The following PRMT9 variants were observed in gnomAD, a reference collection of about 807,000 sequenced individuals.
PRMT9 encodes the protein protein arginine methyltransferase 9.
In PRMT9, 59 loss-of-function variants were observed where a neutral mutation model predicts 83.2. That is an observed-to-expected ratio of 0.71 (90% CI 0.57 to 0.88). The LOEUF is 0.88. Ranked by LOEUF, PRMT9 falls within the 40% of genes least tolerant of loss-of-function variation. PRMT9 has a pLI of 0.00. For missense variants in PRMT9, 947 were observed against 1,021.9 expected, an observed-to-expected ratio of 0.93 and a Z score of 1.00; for synonymous variants, 333 against 353.2, an observed-to-expected ratio of 0.94 and a Z score of 0.64.
At chr4:147,663,300 G>A (rs767997335) in intron 6 of PRMT9, among the ~76,000 whole-genome samples, 7 of 152,050 alleles carry the variant, frequency 4.6e-5, no homozygotes, top group East Asian at 1.9e-4. Context: ...GAACCACCGC[G>A]CCCAGCCTAC....
rs527266557 is a variant in PRMT9 at position 147,652,691 on chromosome 4, A to G, written c.2045+1161T>C. ...TCCCCACCCCATCCCACCAGACCCC[A>G]TTCTACCCTACCCCGTGTCTAAAAA... On this transcript the variant is annotated intron_variant, in intron 9 of 11. Transcript: ENST00000322396. Among the ~76,000 whole-genome samples the G allele has an allele frequency of 1.1e-4, 12 of 111,028 alleles. No individual in the cohort carries two copies. The East Asian group carries it at 3.1e-3, about 28-fold the overall frequency. 72.8% of individuals were successfully genotyped at this position (111,028 alleles called of 152,430 possible).
In PRMT9 at chr4:147,638,239, A is replaced by G; in HGVS notation, c.*293T>C. 5.5e-6 allele frequency: 2 copies of G among 360,774 alleles called. No homozygotes were observed. Among genetic ancestry groups the G allele is most frequent in the South Asian group, 2.9e-5 (1 of 33,946 alleles). 22.3% of individuals were successfully genotyped at this position (360,774 alleles called of 1,614,324 possible). ...AAAAGTAAAGTTTTGCTTTACTTAC[A>G]CATGTCAATAACGATAAGACTTTTA... On this transcript the variant is annotated 3_prime_UTR_variant, in exon 12 of 12. Transcript: ENST00000322396.
At position 147,673,629 on chromosome 4, in the gene PRMT9, A is replaced by C; in HGVS notation, c.575+9T>G. 2 of 1,525,158 alleles carry C rather than the reference A, an allele frequency of 1.3e-6. No homozygotes were observed. The highest frequency in any genetic ancestry group is 1.8e-6 in the Non-Finnish European group (2 of 1,098,856). The allele number at this position is 1,525,158 out of a possible 1,614,324, so 94.5% of individuals were successfully genotyped here. ...ATGTATATACCATTAAAATGCAATTACTACCAACCTTAGTATTCCAGTTCC... is the reference window on the plus strand; with the variant it reads ...ATGTATATACCATTAAAATGCAATTCCTACCAACCTTAGTATTCCAGTTCC... On this transcript the variant is annotated intron_variant, in intron 3 of 11. Transcript: ENST00000322396.
intron 5 of PRMT9, among the ~76,000 whole-genome samples, chr4:147,669,209 C>G (rs554581152): frequency 2.0e-5 from 3 of 149,500 alleles, no homozygotes; most frequent in Admixed American, 1.4e-4. Flanking sequence ...GGCAACATAG[C>G]AAGACCCTGT....
intron 2 of PRMT9, among the ~76,000 whole-genome samples, chr4:147,678,893 T>C (rs543519354): frequency 5.3e-5 from 8 of 152,334 alleles, no homozygotes; most frequent in Admixed American, 2.6e-4. Flanking sequence ...CATACACATT[T>C]ACCCTTTGCA....
chr4:147,676,378 G>A (rs1736074616), intron 2 of PRMT9, among the ~76,000 whole-genome samples: 1 of 152,062 alleles, frequency 6.6e-6, no homozygotes, highest in Admixed American at 6.6e-5. Flanking sequence ...GAAAACTTTG[G>A]AATTAAAATA....
At position 147,654,322 on chromosome 4, in the gene PRMT9, A is replaced by C. The variant is rs774566430; in HGVS notation, c.1575T>G (p.Ile525Met). ...GATATGGGATGTTGTTAAGCAAAGC[A>C]ATTTCTGTAGATTCCAATATACATG... ...EQTCILESTE[I>M]ALLNNIPYHE... Residue 525 changes from isoleucine to methionine, a missense_variant, in exon 9 of 12, where the codon ATT (isoleucine) becomes ATG (methionine). Coordinates refer to ENST00000322396, the MANE Select transcript of PRMT9 (RefSeq NM_138364.4). 2 of 1,614,180 alleles carry C rather than the reference A, an allele frequency of 1.2e-6. No homozygotes were observed. Among genetic ancestry groups the C allele is most frequent in the Non-Finnish European group, 1.7e-6 (2 of 1,180,020 alleles).
intron 6 of PRMT9, among the ~76,000 whole-genome samples, chr4:147,667,736 A>C (rs1735435865): frequency 6.7e-6 from 1 of 148,872 alleles, no homozygotes; most frequent in African/African-American, 2.6e-5. Context: ...GAAGCTTAGA[A>C]AGATCCTAAA....
Position 147,659,579 on chromosome 4 carries a change from C to CTTTTT in PRMT9, c.1146+1262_1146+1266dup, listed in dbSNP as rs33942571. On this transcript the variant is annotated intron_variant, in intron 7 of 11. Transcript: ENST00000322396. ...CCAATTTCTTTGGGCACTTTCTTTT[C>CTTTTT]TTTTTTTTTTTTTTCTGAGACGGAG... Among the ~76,000 whole-genome samples the CTTTTT allele has an allele frequency of 2.9e-3, 354 of 121,596 alleles. 23 individuals carry two copies. Among genetic ancestry groups the CTTTTT allele is most frequent in the Non-Finnish European group, 3.8e-3 (231 of 60,914 alleles). 79.8% of individuals were successfully genotyped at this position (121,596 alleles called of 152,430 possible).
At chr4:147,677,912 G>A (rs960845738) in intron 2 of PRMT9, among the ~76,000 whole-genome samples, 24 of 151,896 alleles carry the variant, frequency 1.6e-4, no homozygotes, top group African/African-American at 5.6e-4. Flanking sequence ...ATTATCACAG[G>A]GGAGTACATT....
At chr4:147,658,010 T>A (rs1314436614) in intron 7 of PRMT9, 35 bp from the exon 8 acceptor site, 4 of 1,328,906 alleles carry the variant, frequency 3.0e-6, no homozygotes, top group Non-Finnish European at 4.3e-6. Flanking sequence ...AACGGTTTTA[T>A]ATATTTCATA....
chr4:147,660,941 G>A lies in PRMT9; in HGVS notation c.1051C>T (p.Pro351Ser). ...SSVDTEETIE[P>S]YTTEKMSRVP... The stretch of plus-strand genomic sequence containing the variant: ...CGACTCATCTTTTCAGTTGTATAAG[G>A]TTCAATTGTTTCTTCAGTATCTACA... The change falls in exon 7 of 12, where the codon CCT (proline) becomes TCT (serine). Residue 351 changes from proline (P) to serine (S), a missense_variant. Pro to Ser is a moderately conservative substitution (Grantham distance 74). Coordinates refer to ENST00000322396, the MANE Select transcript of PRMT9 (RefSeq NM_138364.4). 6.2e-7 allele frequency: 1 copy of A among 1,612,552 alleles called. No homozygotes were observed. The highest frequency in any genetic ancestry group is 8.5e-7 in the Non-Finnish European group (1 of 1,178,726).
Position 147,657,808 on chromosome 4 carries a change from G to A in PRMT9, c.1314C>T (p.Pro438=), listed in dbSNP as rs756611829. 9.4e-5 allele frequency: 151 copies of A among 1,611,712 alleles called. No individual in the cohort carries two copies. Among genetic ancestry groups the A allele is most frequent in the Non-Finnish European group, 1.1e-4 (131 of 1,179,556 alleles). ...AAGACCTACCTGCAAGGTCCTGTACGGGGTAGACAGCCTGTTCCCAACATG... is the reference window on the plus strand; with the variant it reads ...AAGACCTACCTGCAAGGTCCTGTACAGGGTAGACAGCCTGTTCCCAACATG... ...EETCWEQAVY[P]VQDLADYWIK... is the part of the protein sequence containing the mutation. Residue 438 remains proline, a synonymous_variant, in exon 8 of 12, where the codon CCC becomes CCT. Coordinates refer to ENST00000322396, the MANE Select transcript of PRMT9 (RefSeq NM_138364.4).
intron 9 of PRMT9, among the ~76,000 whole-genome samples, chr4:147,650,489 G>A (rs980000710): frequency 1.3e-5 from 2 of 152,086 alleles, no homozygotes; most frequent in Admixed American, 6.6e-5. Context: ...CAAAAGACTT[G>A]TTTGTACACT....
At chr4:147,664,763 C>A (rs530978003) in intron 6 of PRMT9, among the ~76,000 whole-genome samples, 4 of 152,092 alleles carry the variant, frequency 2.6e-5, no homozygotes, top group African/African-American at 9.6e-5. Context: ...TGTAACAAAC[C>A]TGCATGTTCT....
At chr4:147,641,723 G>A (rs535712697) in intron 10 of PRMT9, among the ~76,000 whole-genome samples, 13 of 152,088 alleles carry the variant, frequency 8.5e-5, no homozygotes, top group African/African-American at 2.7e-4. Flanking sequence ...GTGCAGTGTC[G>A]TGATTTCAGC....
At chr4:147,670,568 T>A (rs1735661492) in intron 5 of PRMT9, 73 bp downstream of exon 5, 1 of 970,210 alleles carries the variant, frequency 1.0e-6, no homozygotes, top group African/African-American at 1.6e-5. Context: ...TTTGTAAATA[T>A]ACTAAGGATT....
chr4:147,683,762 T>C (rs201166194), intron 1 of PRMT9, 37 bp downstream of exon 1: 1 of 1,269,670 alleles, frequency 7.9e-7, no homozygotes, highest in African/African-American at 1.6e-5. Context: ...TACGAGGACG[T>C]TGGATCTGCC....
intron 9 of PRMT9, among the ~76,000 whole-genome samples, chr4:147,647,536 T>A (rs1246819057): frequency 6.6e-6 from 1 of 151,874 alleles, no homozygotes; most frequent in Non-Finnish European, 1.5e-5. Flanking sequence ...TTTTTTTTTT[T>A]TTTTGAGACG....
Sources: gnomAD v4.1 joint callset for allele counts (sites outside exome capture counted in the v4.1 genomes callset) on GRCh38, gnomAD v4.1.1 for gene constraint, MANE v1.5 for transcripts, NCBI Gene and HGNC (gene_info 2026-07-23, HGNC 2026-07-21) for gene names.